The following EDAR variants were observed in gnomAD, a reference collection of about 807,000 sequenced individuals.
EDAR encodes ectodysplasin A receptor, also known as tumor necrosis factor receptor superfamily member EDAR.
EDAR carries 38 observed loss-of-function variants against 51.3 expected under a neutral mutation model. The ratio of observed to expected loss-of-function variants is 0.74; its 90% confidence interval spans 0.57 to 0.97. The LOEUF is 0.97. Ranked by LOEUF, EDAR falls within the 50% of genes least tolerant of loss-of-function variation. The pLI, the probability that EDAR is intolerant of heterozygous loss-of-function variation, is 0.00. For missense variants in EDAR, 528 were observed against 595.0 expected, an observed-to-expected ratio of 0.89 and a Z score of 1.17; for synonymous variants, 227 against 242.1, an observed-to-expected ratio of 0.94 and a Z score of 0.58.
chr2:108,936,273 G>A (rs536826352), intron 1 of EDAR, among the ~76,000 whole-genome samples: 1 of 152,352 alleles, frequency 6.6e-6, no homozygotes, highest in East Asian at 1.9e-4. Flanking sequence ...TCTGTAGGAC[G>A]GATGTCCCTT....
At chr2:108,932,528 C>CAAA (rs1171012818) in intron 1 of EDAR, among the ~76,000 whole-genome samples, 31 of 39,088 alleles carry the variant, frequency 7.9e-4, no homozygotes, top group African/African-American at 1.4e-3. Flanking sequence ...GACTCTGTCT[C>CAAA]AAAAAAAAAA....
At chr2:108,949,659 T>C (rs899631658) in intron 1 of EDAR, among the ~76,000 whole-genome samples, 5 of 152,184 alleles carry the variant, frequency 3.3e-5, no homozygotes, top group African/African-American at 1.2e-4. Context: ...GTTGGAGGAT[T>C]GGTTTGGGGC....
chr2:108,952,074 G>C (rs1697837645), intron 1 of EDAR, among the ~76,000 whole-genome samples: 1 of 152,188 alleles, frequency 6.6e-6, no homozygotes, highest in Non-Finnish European at 1.5e-5. Flanking sequence ...TTGTTTGTTT[G>C]ACGGAAGGTC....
chr2:108,944,688 C>T (rs1697680896), intron 1 of EDAR, among the ~76,000 whole-genome samples: 1 of 152,120 alleles, frequency 6.6e-6, no homozygotes, highest in Non-Finnish European at 1.5e-5. Flanking sequence ...GCCCTGGGTC[C>T]TGGTGTCTGG....
intron 1 of EDAR, among the ~76,000 whole-genome samples, chr2:108,970,693 C>A (rs1698218756): frequency 6.6e-6 from 1 of 152,054 alleles, no homozygotes; most frequent in South Asian, 2.1e-4. Flanking sequence ...GACAGAAAAA[C>A]CATAAGGTAG....
intron 1 of EDAR, among the ~76,000 whole-genome samples, chr2:108,951,950 T>G (rs1185057281): frequency 6.6e-6 from 1 of 152,254 alleles, no homozygotes; most frequent in Non-Finnish European, 1.5e-5. Flanking sequence ...TCTTACAGTC[T>G]AATAAGAGGG....
At position 108,897,781 on chromosome 2, in the gene EDAR, T is replaced by A. The variant is rs116824442; in HGVS notation, c.1025-552A>T. ...GGAGCATTTAAAAACTTGATATTGC[T>A]GTTTCTGGAAGATAAGAGTAGATAT... On this transcript the variant is annotated intron_variant, in intron 11 of 11. Transcript: ENST00000258443. Among the ~76,000 whole-genome samples the A allele has an allele frequency of 9.9e-4, 151 of 152,320 alleles. 1 individual carries two copies. Among genetic ancestry groups the A allele is most frequent in the African/African-American group, 3.4e-3 (142 of 41,566 alleles).
intron 11 of EDAR, among the ~76,000 whole-genome samples, chr2:108,903,857 T>TGGGA (rs1378377395): frequency 6.6e-6 from 1 of 152,142 alleles, no homozygotes; most frequent in Non-Finnish European, 1.5e-5. Flanking sequence ...GAAAAAATTG[T>TGGGA]GGGAGCAAAT....
chr2:108,986,886 C>T (rs1325153581), intron 1 of EDAR, among the ~76,000 whole-genome samples: 2 of 152,132 alleles, frequency 1.3e-5, no homozygotes, highest in Admixed American at 1.3e-4. Flanking sequence ...GGGCTTTTGT[C>T]CCCTAATTGA....
At chr2:108,933,610 C>T (rs527543348) in intron 1 of EDAR, among the ~76,000 whole-genome samples, 1 of 152,306 alleles carries the variant, frequency 6.6e-6, no homozygotes, top group South Asian at 2.1e-4. Flanking sequence ...TCAAAAACTG[C>T]CTTTTCCCAC....
At chr2:108,982,162 A>G (rs1045189166) in intron 1 of EDAR, among the ~76,000 whole-genome samples, 3 of 152,246 alleles carry the variant, frequency 2.0e-5, no homozygotes, top group African/African-American at 7.2e-5. Flanking sequence ...AGATCTCCCA[A>G]AGCCTTGAGA....
intron 1 of EDAR, among the ~76,000 whole-genome samples, chr2:108,957,956 C>T (rs563174481): frequency 5.3e-4 from 81 of 152,226 alleles, no homozygotes; most frequent in Admixed American, 2.2e-3. Flanking sequence ...ACAGTTCCTG[C>T]AGAAAATGAA....
At position 108,950,339 on chromosome 2, in the gene EDAR, T is replaced by G. The variant is rs368503537; in HGVS notation, c.-18-19307A>C. 3.9e-3 allele frequency among the ~76,000 whole-genome samples: 596 copies of G among 151,882 alleles called. 1 individual carries two copies. The highest frequency in any genetic ancestry group is 0.014 in the African/African-American group (568 of 41,404). Reference sequence around the variant, plus strand: ...AAGCATAGCTCACTGCAGCATCAAATTTTTGGGCTCGAATGATCCTCCCGC... The same window carrying G: ...AAGCATAGCTCACTGCAGCATCAAAGTTTTGGGCTCGAATGATCCTCCCGC... On this transcript the variant is annotated intron_variant, in intron 1 of 11. Transcript: ENST00000258443.
At chr2:108,921,046 T>C (rs1263897858) in intron 5 of EDAR, among the ~76,000 whole-genome samples, 1 of 151,722 alleles carries the variant, frequency 6.6e-6, no homozygotes, top group Admixed American at 6.6e-5. Flanking sequence ...GAATCGGGGG[T>C]GGGCCAAGCA....
intron 1 of EDAR, among the ~76,000 whole-genome samples, chr2:108,934,728 A>G (rs1214105736): frequency 6.6e-6 from 1 of 152,206 alleles, no homozygotes; most frequent in Admixed American, 6.5e-5. Context: ...CGAGATAACG[A>G]ACCCACTCCC....
intron 1 of EDAR, among the ~76,000 whole-genome samples, chr2:108,983,074 A>T (rs747699017): frequency 6.6e-6 from 1 of 152,208 alleles, no homozygotes; most frequent in Admixed American, 6.5e-5. Flanking sequence ...CCGATGCACA[A>T]TTAGTTTGTG....
At chr2:108,968,917 T>C (rs1408634018) in intron 1 of EDAR, among the ~76,000 whole-genome samples, 1 of 152,218 alleles carries the variant, frequency 6.6e-6, no homozygotes, top group Non-Finnish European at 1.5e-5. Flanking sequence ...TTTAGCCTGA[T>C]AAAAAAGACA....
chr2:108,942,557 G>A (rs1433150583), intron 1 of EDAR, among the ~76,000 whole-genome samples: 1 of 152,250 alleles, frequency 6.6e-6, no homozygotes, highest in Non-Finnish European at 1.5e-5. Context: ...TCTCCCTCCC[G>A]TTCTAGAAGA....
chr2:108,944,938 G>A (rs977348330), intron 1 of EDAR, among the ~76,000 whole-genome samples: 24 of 152,288 alleles, frequency 1.6e-4, no homozygotes, highest in Middle Eastern at 3.4e-3. Context: ...GAAGGCCTAG[G>A]GTGTCCCTGC....
Sources: gnomAD v4.1 joint callset for allele counts (sites outside exome capture counted in the v4.1 genomes callset) on GRCh38, gnomAD v4.1.1 for gene constraint, MANE v1.5 for transcripts, NCBI Gene and HGNC (gene_info 2026-07-23, HGNC 2026-07-21) for gene names.